The following FTCDNL1 variants were observed in gnomAD, a reference collection of about 807,000 sequenced individuals.
The protein encoded by FTCDNL1 is formiminotransferase N-terminal subdomain-containing protein.
FTCDNL1 carries 11 observed loss-of-function variants against 5.9 expected under a neutral mutation model. The ratio of observed to expected loss-of-function variants is 1.87; its 90% CI spans 1.18 to 3.10. The LOEUF is 3.10. FTCDNL1 is among the 30% of genes most tolerant of loss of function. The pLI is 0.00. For synonymous variants in FTCDNL1, 58 were observed against 24.8 expected, an observed-to-expected ratio of 2.34 and a Z score of -3.99; for missense variants, 115 against 65.5, an observed-to-expected ratio of 1.76 and a Z score of -2.61.
At chr2:199,688,660 T>A in the FTCDNL1 span, among the ~76,000 whole-genome samples, 1 of 152,308 alleles carries the variant, frequency 6.6e-6, no homozygotes, top group East Asian at 1.9e-4. Flanking sequence ...GGGCTCAACA[T>A]CCCAGCACAT....
intron 3 of FTCDNL1, among the ~76,000 whole-genome samples, chr2:199,774,823 C>A (rs1462039975): frequency 6.6e-6 from 1 of 152,192 alleles, no homozygotes; most frequent in African/African-American, 2.4e-5. Context: ...AAGAGCTCCT[C>A]TGACATTCAC....
intron 3 of FTCDNL1, among the ~76,000 whole-genome samples, chr2:199,835,715 G>A (rs1323067821): frequency 2.0e-5 from 3 of 152,106 alleles, no homozygotes; most frequent in South Asian, 4.1e-4. Context: ...CACAGTTATG[G>A]GGCCTGAGCT....
At chr2:199,803,350 C>T (rs1166487329) in intron 3 of FTCDNL1, among the ~76,000 whole-genome samples, 1 of 152,040 alleles carries the variant, frequency 6.6e-6, no homozygotes, top group South Asian at 2.1e-4. Flanking sequence ...ACTGGATGTA[C>T]AATTTCGAAC....
intron 3 of FTCDNL1, among the ~76,000 whole-genome samples, chr2:199,792,388 C>T (rs1170942020): frequency 6.6e-6 from 1 of 152,194 alleles, no homozygotes; most frequent in African/African-American, 2.4e-5. Flanking sequence ...GCAAATATTA[C>T]ATCCTCCTTT....
At chr2:199,726,111 T>C in the FTCDNL1 span, among the ~76,000 whole-genome samples, 1 of 152,196 alleles carries the variant, frequency 6.6e-6, no homozygotes, top group Non-Finnish European at 1.5e-5. Flanking sequence ...TCTAATTTTG[T>C]CTGCCTGTCA....
intron 3 of FTCDNL1, among the ~76,000 whole-genome samples, chr2:199,770,765 T>C (rs1406008343): frequency 6.6e-6 from 1 of 152,056 alleles, no homozygotes; most frequent in Non-Finnish European, 1.5e-5. Flanking sequence ...ACACAAAGAG[T>C]ATTCTGGCCA....
chr2:199,740,876 T>C, the FTCDNL1 span, among the ~76,000 whole-genome samples: 1 of 152,156 alleles, frequency 6.6e-6, no homozygotes, highest in Non-Finnish European at 1.5e-5. Context: ...CTTTTCATGC[T>C]GTTAGAAGAC....
At position 199,819,641 on chromosome 2, in the gene FTCDNL1, T is replaced by A; in HGVS notation, c.328A>T (p.Thr110Ser). The change falls in exon 4 of 5, where the codon ACG becomes TCG. Residue 110 changes from threonine to serine, a missense_variant. Transcript: ENST00000420128. ...VQRRKQLGWF[T>S]RRDFSALQPD... ...TGAAGAGCACTGAAATCCCTCCTCGTGAACCAGCCCAGCTGCTTCCTTCTC... is the reference window on the plus strand; with the variant it reads ...TGAAGAGCACTGAAATCCCTCCTCGAGAACCAGCCCAGCTGCTTCCTTCTC... 1.4e-6 allele frequency: 1 copy of A among 702,328 alleles called. No individual in the cohort carries two copies. The highest frequency in any genetic ancestry group is 2.6e-6 in the Non-Finnish European group (1 of 384,812). The allele number at this position is 702,328 out of a possible 1,614,324, so 43.5% of individuals were successfully genotyped here.
intron 3 of FTCDNL1, chr2:199,760,852 G>A: frequency 2.8e-6 from 2 of 702,296 alleles, no homozygotes; most frequent in South Asian, 1.5e-5. Context: ...ATAAGGGAAG[G>A]AGAGATTAGT....
At chr2:199,695,339 C>T in the FTCDNL1 span, among the ~76,000 whole-genome samples, 1 of 152,166 alleles carries the variant, frequency 6.6e-6, no homozygotes, top group Non-Finnish European at 1.5e-5. Flanking sequence ...TTTACTTACA[C>T]TCTGAAATCA....
chr2:199,774,376 T>C (rs1321990963), intron 3 of FTCDNL1, among the ~76,000 whole-genome samples: 1 of 152,208 alleles, frequency 6.6e-6, no homozygotes. Context: ...GCTGATTTAT[T>C]ATATTGTCCC....
the FTCDNL1 span, among the ~76,000 whole-genome samples, chr2:199,752,740 C>CTCTGTGTG: frequency 2.0e-4 from 6 of 30,622 alleles, no homozygotes; most frequent in African/African-American, 2.3e-4. Flanking sequence ...CTCTCTCTCT[C>CTCTGTGTG]TGTGTGTGTG....
chr2:199,673,327 C>CAA, the FTCDNL1 span, among the ~76,000 whole-genome samples: 460 of 69,252 alleles, frequency 6.6e-3, 7 homozygotes, highest in Middle Eastern at 0.019. Flanking sequence ...GACTCTGTCT[C>CAA]AAAAAAAAAA....
intron 3 of FTCDNL1, among the ~76,000 whole-genome samples, chr2:199,834,402 T>C (rs1371040688): frequency 6.6e-6 from 1 of 152,178 alleles, no homozygotes; most frequent in African/African-American, 2.4e-5. Flanking sequence ...CGCTCCCTCC[T>C]AACTTTCATT....
chr2:199,841,646 A>G (rs1476139599), intron 3 of FTCDNL1, among the ~76,000 whole-genome samples: 8 of 152,050 alleles, frequency 5.3e-5, no homozygotes, highest in Non-Finnish European at 1.0e-4. Flanking sequence ...CATGCTGTCA[A>G]ATGACAGCAT....
At chr2:199,824,148 G>T (rs755451438) in intron 3 of FTCDNL1, among the ~76,000 whole-genome samples, 1 of 152,166 alleles carries the variant, frequency 6.6e-6, no homozygotes, top group Non-Finnish European at 1.5e-5. Context: ...GAGATGCCAG[G>T]CTCCTGGGTA....
chr2:199,838,154 T>C (rs938369748), intron 3 of FTCDNL1, among the ~76,000 whole-genome samples: 1 of 152,182 alleles, frequency 6.6e-6, no homozygotes, highest in African/African-American at 2.4e-5. Context: ...GTGGAACACA[T>C]ACAAGAAGCA....
the FTCDNL1 span, among the ~76,000 whole-genome samples, chr2:199,677,619 GA>G: frequency 6.6e-6 from 1 of 152,132 alleles, no homozygotes; most frequent in Non-Finnish European, 1.5e-5. Context: ...AATAAATGTG[GA>G]AATAAGGACA....
chr2:199,733,767 C>A, the FTCDNL1 span, among the ~76,000 whole-genome samples: 3 of 152,090 alleles, frequency 2.0e-5, no homozygotes, highest in South Asian at 6.2e-4. Flanking sequence ...ACATACATGA[C>A]GAGATGGAAA....
Sources: gnomAD v4.1 joint callset for allele counts (sites outside exome capture counted in the v4.1 genomes callset) on GRCh38, gnomAD v4.1.1 for gene constraint, MANE v1.5 for transcripts, NCBI Gene and HGNC (gene_info 2026-07-23, HGNC 2026-07-21) for gene names.